The following DGKI variants were observed in gnomAD, a reference collection of about 807,000 sequenced individuals.
The protein encoded by DGKI is diacylglycerol kinase iota.
DGKI carries 55 observed loss-of-function variants against 147.5 expected under a neutral mutation model. The observed-to-expected ratio is 0.37, with a 90% CI of 0.30 to 0.47. DGKI has a LOEUF of 0.47. Among genes scored for constraint, DGKI ranks in the 20% least tolerant of loss-of-function variants. The pLI is 1.00. For missense variants in DGKI, 1,007 were observed against 1,323.8 expected (o/e 0.76, Z 3.71); for synonymous variants, 469 against 477.1 (o/e 0.98, Z 0.22).
chr7:137,421,212 T>C (rs1306540810), intron 28 of DGKI, among the ~76,000 whole-genome samples: 1 of 152,098 alleles, frequency 6.6e-6, no homozygotes, highest in African/African-American at 2.4e-5. Context: ...CTTCTCATCA[T>C]CCCTGGGATT....
chr7:137,720,378 C>CT (rs1367942740), intron 1 of DGKI, among the ~76,000 whole-genome samples: 1 of 151,628 alleles, frequency 6.6e-6, no homozygotes, highest in Non-Finnish European at 1.5e-5. Flanking sequence ...CTGCCTCAGC[C>CT]CCCCGAGTGG....
At chr7:137,824,079 T>C (rs1263343982) in intron 1 of DGKI, among the ~76,000 whole-genome samples, 1 of 152,032 alleles carries the variant, frequency 6.6e-6, no homozygotes, top group Non-Finnish European at 1.5e-5. Context: ...AATCCTCACC[T>C]CAGAAGGGAC....
intron 27 of DGKI, 44 bp from the exon 28 acceptor site, chr7:137,444,146 T>G: frequency 8.8e-7 from 1 of 1,131,444 alleles, no homozygotes; most frequent in Non-Finnish European, 1.3e-6. Context: ...ATATGATAAT[T>G]ATAATGATAA....
At chr7:137,789,804 T>C (rs945689150) in intron 1 of DGKI, among the ~76,000 whole-genome samples, 6 of 152,194 alleles carry the variant, frequency 3.9e-5, no homozygotes, top group African/African-American at 2.4e-5. Flanking sequence ...TATTTCAACA[T>C]ACAAGTAAGA....
intron 5 of DGKI, among the ~76,000 whole-genome samples, chr7:137,652,121 T>C (rs1379753157): frequency 6.6e-6 from 1 of 152,180 alleles, no homozygotes; most frequent in Non-Finnish European, 1.5e-5. Context: ...AGGAATGTTT[T>C]TGGGTTTTTT....
At chr7:137,805,409 C>T (rs1418819322) in intron 1 of DGKI, among the ~76,000 whole-genome samples, 1 of 152,190 alleles carries the variant, frequency 6.6e-6, no homozygotes, top group Non-Finnish European at 1.5e-5. Flanking sequence ...TAACAAGGTC[C>T]TGGCCAGAGA....
chr7:137,485,119 G>C (rs1815507046), intron 23 of DGKI, among the ~76,000 whole-genome samples: 1 of 151,988 alleles, frequency 6.6e-6, no homozygotes, highest in Non-Finnish European at 1.5e-5. Context: ...TCTGGTATTT[G>C]TTACTGAAAG....
chr7:137,405,624 A>C (rs1811916125), intron 30 of DGKI, among the ~76,000 whole-genome samples: 1 of 152,144 alleles, frequency 6.6e-6, no homozygotes, highest in Admixed American at 6.5e-5. Flanking sequence ...CCAACCTTTT[A>C]AATCTGGGCT....
At chr7:137,700,996 T>C (rs1823963224) in intron 1 of DGKI, among the ~76,000 whole-genome samples, 1 of 152,208 alleles carries the variant, frequency 6.6e-6, no homozygotes, top group South Asian at 2.1e-4. Flanking sequence ...GGTTTCTTCA[T>C]CCAGCCCAGC....
intron 20 of DGKI, among the ~76,000 whole-genome samples, chr7:137,533,560 C>A (rs1817414673): frequency 6.6e-6 from 1 of 152,038 alleles, no homozygotes. Context: ...AAGACAAGAG[C>A]TTTTACTCAA....
chr7:137,477,276 G>A (rs920493047), intron 23 of DGKI, among the ~76,000 whole-genome samples: 5 of 152,140 alleles, frequency 3.3e-5, no homozygotes, highest in African/African-American at 1.2e-4. Flanking sequence ...ACCATGTGAA[G>A]AAAAATCCAA....
At chr7:137,546,243 G>A (rs1277429848) in intron 20 of DGKI, among the ~76,000 whole-genome samples, 8 of 152,132 alleles carry the variant, frequency 5.3e-5, no homozygotes, top group African/African-American at 7.2e-5. Flanking sequence ...GATGCTGGAC[G>A]GCAGGTCGGG....
At chr7:137,722,545 C>T (rs762635588) in intron 1 of DGKI, 75 of 1,597,318 alleles carry the variant, frequency 4.7e-5, no homozygotes, top group South Asian at 2.3e-4. Flanking sequence ...AGTTCCTCTA[C>T]GAAGAACACA....
At chr7:137,669,958 G>T (rs1439934129) in intron 3 of DGKI, among the ~76,000 whole-genome samples, 2 of 151,982 alleles carry the variant, frequency 1.3e-5, no homozygotes, top group African/African-American at 4.8e-5. Flanking sequence ...CTACAAAATG[G>T]CAATGGGTGT....
chr7:137,637,054 G>A (rs1452634421), intron 6 of DGKI, among the ~76,000 whole-genome samples: 1 of 152,162 alleles, frequency 6.6e-6, no homozygotes, highest in Non-Finnish European at 1.5e-5. Flanking sequence ...GAAGACATCG[G>A]CCAAGGACAG....
At chr7:137,484,118 T>G (rs1019590403) in intron 23 of DGKI, among the ~76,000 whole-genome samples, 1 of 152,014 alleles carries the variant, frequency 6.6e-6, no homozygotes, top group Non-Finnish European at 1.5e-5. Context: ...AAGAAAGAAC[T>G]CTGGAAGTGT....
Position 137,582,488 on chromosome 7 carries a change from TA to T in DGKI, c.1564-561del, listed in dbSNP as rs1349004964. ...CACAATCTTTTTTACAAAAGTCATA[TA>T]AAAAATAGGGCAATGTGACCCATTG... On this transcript the variant is annotated intron_variant, in intron 14 of 32. Coordinates refer to ENST00000614521, the MANE Select transcript of DGKI (RefSeq NM_001321708.2). 3.3e-5 allele frequency among the ~76,000 whole-genome samples: 5 copies of T among 151,692 alleles called. No individual in the cohort carries two copies. In the South Asian group the frequency reaches 8.3e-4, roughly 25 times the overall value.
intron 1 of DGKI, among the ~76,000 whole-genome samples, chr7:137,742,924 G>A (rs1795221477): frequency 6.6e-6 from 1 of 152,286 alleles, no homozygotes; most frequent in Non-Finnish European, 1.5e-5. Flanking sequence ...TGGGAACTGG[G>A]CTTTAAAATT....
At chr7:137,569,728 C>CAAAAAAAAAAAAAAAAAAAAAAAAA (rs60719355) in intron 19 of DGKI, among the ~76,000 whole-genome samples, 1 of 64,612 alleles carries the variant, frequency 1.5e-5, no homozygotes, top group Non-Finnish European at 2.9e-5. Flanking sequence ...GACTCTGTCT[C>CAAAAAAAAAAAAAAAAAAAAAAAAA]AAAAAAAAAA....
Sources: gnomAD v4.1 joint callset for allele counts (sites outside exome capture counted in the v4.1 genomes callset) on GRCh38, gnomAD v4.1.1 for gene constraint, MANE v1.5 for transcripts, NCBI Gene and HGNC (gene_info 2026-07-23, HGNC 2026-07-21) for gene names.